The following PCDH15 variants were observed in gnomAD, a reference collection of about 807,000 sequenced individuals.
PCDH15 encodes the protein protocadherin-15.
In PCDH15, 129 loss-of-function variants were observed where a neutral mutation model predicts 178.5. The observed-to-expected ratio is 0.72, with a 90% CI of 0.63 to 0.84. PCDH15 has a LOEUF of 0.84. Among genes scored for constraint, PCDH15 ranks in the 40% least tolerant of loss-of-function variants. PCDH15 has a pLI of 0.00. For missense variants in PCDH15, 2,230 were observed against 2,099.9 expected, an observed-to-expected ratio of 1.06 and a Z score of -1.21; for synonymous variants, 800 against 732.0, an observed-to-expected ratio of 1.09 and a Z score of -1.50.
At chr10:55,016,022 A>T (rs1922150) in intron 2 of PCDH15, among the ~76,000 whole-genome samples, 27 of 150,630 alleles carry the variant, frequency 1.8e-4, no homozygotes, top group South Asian at 6.3e-4. Context: ...ACATTCTACA[A>T]GGTTCCTTAA....
intron 17 of PCDH15, among the ~76,000 whole-genome samples, chr10:54,073,716 T>C (rs946943476): frequency 6.6e-6 from 1 of 152,130 alleles, no homozygotes; most frequent in Non-Finnish European, 1.5e-5. Context: ...ACCTATTGTA[T>C]CAATTAAGGA....
intron 2 of PCDH15, among the ~76,000 whole-genome samples, chr10:54,959,770 A>G (rs1306311591): frequency 1.3e-5 from 2 of 152,148 alleles, no homozygotes; most frequent in East Asian, 3.8e-4. Flanking sequence ...AGACAAATAA[A>G]AATTATTCTG....
chr10:53,892,044 T>TTTC (rs2081601331), intron 26 of PCDH15, among the ~76,000 whole-genome samples: 1 of 145,032 alleles, frequency 6.9e-6, no homozygotes, highest in African/African-American at 2.7e-5. Context: ...TTTTTTTTTT[T>TTTC]CCAAGACAGA....
At chr10:54,935,136 G>C (rs897896379) in intron 2 of PCDH15, among the ~76,000 whole-genome samples, 60 of 151,568 alleles carry the variant, frequency 4.0e-4, no homozygotes, top group African/African-American at 1.4e-3. Context: ...TGCTAAATGA[G>C]GAGTTAATGG....
intron 2 of PCDH15, among the ~76,000 whole-genome samples, chr10:54,566,103 T>C (rs1049392045): frequency 2.6e-5 from 4 of 152,130 alleles, no homozygotes; most frequent in African/African-American, 7.2e-5. Flanking sequence ...AATACATACA[T>C]ACATACATAA....
intron 2 of PCDH15, among the ~76,000 whole-genome samples, chr10:55,380,334 T>C (rs1837503786): frequency 6.6e-6 from 1 of 152,188 alleles, no homozygotes; most frequent in African/African-American, 2.4e-5. Flanking sequence ...AACTCTCTGA[T>C]ACTACAAGTC....
chr10:54,286,814 G>A (rs988295529), intron 8 of PCDH15, among the ~76,000 whole-genome samples: 8 of 152,128 alleles, frequency 5.3e-5, no homozygotes, highest in African/African-American at 1.9e-4. Flanking sequence ...TTTTAGTAGA[G>A]ACGGGGTTTT....
At chr10:55,354,535 T>C (rs1162124608) in intron 2 of PCDH15, among the ~76,000 whole-genome samples, 1 of 152,070 alleles carries the variant, frequency 6.6e-6, no homozygotes, top group Non-Finnish European at 1.5e-5. Flanking sequence ...CCAGGTAGAT[T>C]TCAATAAGAT....
At chr10:54,592,468 A>C (rs2133951812) in intron 2 of PCDH15, among the ~76,000 whole-genome samples, 1 of 152,220 alleles carries the variant, frequency 6.6e-6, no homozygotes, top group African/African-American at 2.4e-5. Flanking sequence ...TGAAATGATC[A>C]TCATAATCAA....
chr10:55,248,169 G>C (rs1027749241), intron 1 of PCDH15, among the ~76,000 whole-genome samples: 3 of 151,564 alleles, frequency 2.0e-5, no homozygotes, highest in Non-Finnish European at 2.9e-5. Context: ...AGAGGTAGAA[G>C]AGTACTGTAT....
At chr10:54,099,541 AAC>A (rs2094770375) in intron 15 of PCDH15, among the ~76,000 whole-genome samples, 1 of 147,816 alleles carries the variant, frequency 6.8e-6, no homozygotes, top group African/African-American at 2.5e-5. Context: ...TAAAACAAAA[AAC>A]AAAAAAACAG....
chr10:53,983,382 G>A (rs562963569), intron 21 of PCDH15, among the ~76,000 whole-genome samples: 1 of 151,222 alleles, frequency 6.6e-6, no homozygotes, highest in Admixed American at 6.6e-5. Flanking sequence ...AAAACAGCAG[G>A]CGGAACTCTT....
chr10:54,719,767 A>C (rs1465032767), intron 1 of PCDH15, among the ~76,000 whole-genome samples: 1 of 151,964 alleles, frequency 6.6e-6, no homozygotes, highest in African/African-American at 2.4e-5. Context: ...TATGAGTGAG[A>C]ATATCCAGTG....
At chr10:54,594,813 T>C (rs940382198) in intron 2 of PCDH15, among the ~76,000 whole-genome samples, 1 of 152,144 alleles carries the variant, frequency 6.6e-6, no homozygotes, top group Admixed American at 6.5e-5. Context: ...GTTGGAGCAT[T>C]GGAGGGCATA....
intron 2 of PCDH15, among the ~76,000 whole-genome samples, chr10:54,934,022 T>C (rs1352588580): frequency 6.6e-6 from 1 of 152,172 alleles, no homozygotes; most frequent in African/African-American, 2.4e-5. Context: ...ACTATCAATA[T>C]AAAGGTGTAA....
intron 26 of PCDH15, among the ~76,000 whole-genome samples, chr10:53,902,868 T>C (rs1200863322): frequency 6.6e-6 from 1 of 152,124 alleles, no homozygotes; most frequent in African/African-American, 2.4e-5. Context: ...GGTTAATTTA[T>C]TCCACTATTT....
At chr10:54,065,768 A>G (rs1402420259) in intron 18 of PCDH15, among the ~76,000 whole-genome samples, 2 of 152,356 alleles carry the variant, frequency 1.3e-5, no homozygotes, top group African/African-American at 4.8e-5. Flanking sequence ...CTTTTAAAAA[A>G]GCTTCAACTG....
At chr10:55,563,483 A>T (rs956408286) in intron 2 of PCDH15, among the ~76,000 whole-genome samples, 2 of 151,910 alleles carry the variant, frequency 1.3e-5, no homozygotes, top group Non-Finnish European at 2.9e-5. Flanking sequence ...TAAACAAAAT[A>T]ATAACAAAAA....
intron 1 of PCDH15, among the ~76,000 whole-genome samples, chr10:55,233,997 A>G (rs1841302934): frequency 6.6e-6 from 1 of 152,128 alleles, no homozygotes. Flanking sequence ...CTCATCTTAT[A>G]TTACCTGAAG....
Sources: allele counts gnomAD v4.1 joint callset (sites outside exome capture counted in the v4.1 genomes callset), GRCh38; gene constraint gnomAD v4.1.1; transcripts MANE v1.5; gene names NCBI Gene and HGNC (gene_info 2026-07-23, HGNC 2026-07-21).